The following SUPT20H variants were observed in gnomAD, a reference collection of about 807,000 sequenced individuals.
The protein encoded by SUPT20H is transcription factor SPT20 homolog.
In SUPT20H, 82 loss-of-function variants were observed where a neutral mutation model predicts 122.8. The observed-to-expected ratio is 0.67, with a 90% CI of 0.56 to 0.80. The LOEUF (loss-of-function observed/expected upper bound fraction) is 0.80. Ranked by LOEUF, SUPT20H falls within the 30% of genes least tolerant of loss-of-function variation. The pLI, the probability that SUPT20H is intolerant of heterozygous loss-of-function variation, is 0.00. For synonymous variants in SUPT20H, 291 were observed against 313.0 expected (o/e 0.93, Z 0.74); for missense variants, 831 against 921.6 (o/e 0.90, Z 1.27).
At chr13:37,058,839 A>G (rs1176983881) in intron 1 of SUPT20H, among the ~76,000 whole-genome samples, 3 of 152,230 alleles carry the variant, frequency 2.0e-5, no homozygotes, top group African/African-American at 7.2e-5. Context: ...AATTCTGCTC[A>G]GAGACGAATA....
rs772902338 is a variant in SUPT20H at position 37,017,256 on chromosome 13, G to A, written c.1981C>T (p.Pro661Ser). The A allele has an allele frequency of 1.9e-6, 3 of 1,614,062 alleles. No individual in the cohort carries two copies. Among genetic ancestry groups the A allele is most frequent in the Non-Finnish European group, 2.5e-6 (3 of 1,179,990 alleles). The change falls in exon 23 of 26, where the codon CCA (proline) becomes TCA (serine). Residue 661 changes from proline (P) to serine (S), a missense_variant. Transcript: ENST00000350612. ...TAGAAAATCCATACCTGCTCCCCTGGCTGTTGAGGACTACAAGTTGTGGGC... is the reference window on the plus strand; with the variant it reads ...TAGAAAATCCATACCTGCTCCCCTGACTGTTGAGGACTACAAGTTGTGGGC... ...QQPTTCSPQQ[P>S]GEQGSEQGST...
In SUPT20H at chr13:37,009,549, T is replaced by C; in HGVS notation, c.*123A>G. On this transcript the variant is annotated 3_prime_UTR_variant, in exon 26 of 26. Transcript: ENST00000350612. ...AAAATGATAAGGTTGTGCTTCTGTATAAAGTTTGTACATCTAGCAATGTAA... is the reference window on the plus strand; with the variant it reads ...AAAATGATAAGGTTGTGCTTCTGTACAAAGTTTGTACATCTAGCAATGTAA... The C allele has an allele frequency of 2.5e-6, 3 of 1,181,208 alleles. No individual in the cohort carries two copies. The highest frequency in any genetic ancestry group is 1.2e-6 in the Non-Finnish European group (1 of 801,604). The allele number at this position is 1,181,208 out of a possible 1,614,324, so 73.2% of individuals were successfully genotyped here. A position where few individuals can be genotyped will look rare whatever the true frequency, so the allele number is the denominator to read the frequency against.
chr13:37,009,503 C>T lies in SUPT20H; in HGVS notation c.*169G>A. On this transcript the variant is annotated 3_prime_UTR_variant, in exon 26 of 26. Coordinates refer to ENST00000350612, the MANE Select transcript of SUPT20H (RefSeq NM_001014286.3). ...GGCAAACCAACCCTAGTTTGTTAAACCATTTCCCTGTTTTTATTTAAAAAT... is the reference window on the plus strand; with the variant it reads ...GGCAAACCAACCCTAGTTTGTTAAATCATTTCCCTGTTTTTATTTAAAAAT... The T allele has an allele frequency of 1.1e-6, 1 of 938,202 alleles. No individual in the cohort carries two copies. The highest frequency in any genetic ancestry group is 1.6e-6 in the Non-Finnish European group (1 of 620,202). 58.1% of individuals were successfully genotyped at this position (938,202 alleles called of 1,614,324 possible). A position where few individuals can be genotyped will look rare whatever the true frequency, so the allele number is the denominator to read the frequency against.
chr13:37,051,721 T>C, intron 1 of SUPT20H, 138 bp from the exon 2 acceptor site: 1 of 415,484 alleles, frequency 2.4e-6, no homozygotes. Flanking sequence ...CACTTTTTAA[T>C]AATGAGTAAC....
intron 1 of SUPT20H, among the ~76,000 whole-genome samples, chr13:37,058,754 A>C (rs2069840484): frequency 6.6e-6 from 1 of 152,320 alleles, no homozygotes; most frequent in African/African-American, 2.4e-5. Flanking sequence ...CCAATATTAC[A>C]ACCTGCAAAC....
At chr13:37,057,928 C>T (rs552994891) in intron 1 of SUPT20H, among the ~76,000 whole-genome samples, 49 of 144,066 alleles carry the variant, frequency 3.4e-4, no homozygotes, top group African/African-American at 1.1e-3. Flanking sequence ...GAGCGAAGAT[C>T]GCGCCACTGC....
At chr13:37,046,806 T>G (rs1463264326) in intron 5 of SUPT20H, 1 of 152,210 alleles carries the variant, frequency 6.6e-6, no homozygotes, top group Non-Finnish European at 1.5e-5. Flanking sequence ...GTAGAACTTA[T>G]GAAAAACATA....
At chr13:37,009,869 C>G (rs909499611) in intron 25 of SUPT20H, 60 bp from the exon 26 acceptor site, 11 of 1,556,504 alleles carry the variant, frequency 7.1e-6, no homozygotes, top group Non-Finnish European at 8.6e-6. Flanking sequence ...TAGAAAGGTG[C>G]TTTTCCTGAG....
At chr13:37,059,002 A>C (rs2069947365) in intron 1 of SUPT20H, among the ~76,000 whole-genome samples, 3 of 152,214 alleles carry the variant, frequency 2.0e-5, no homozygotes, top group Admixed American at 2.0e-4. Flanking sequence ...CCCACTACGC[A>C]GTGGCTACGG....
Position 37,009,633 on chromosome 13 carries a change from CTT to C in SUPT20H, c.*37_*38del, listed in dbSNP as rs2059233164. On this transcript the variant is annotated 3_prime_UTR_variant, in exon 26 of 26. Transcript: ENST00000350612. The stretch of plus-strand genomic sequence containing the variant: ...AACTCAATTCTTTTGATTCAGTGCT[CTT>C]GTGTTTTTAAAAAAGGAACAAAAAG... 6.2e-7 allele frequency: 1 copy of C among 1,611,652 alleles called. No homozygotes were observed. Among genetic ancestry groups the C allele is most frequent in the Non-Finnish European group, 8.5e-7 (1 of 1,178,406 alleles).
intron 23 of SUPT20H, chr13:37,013,345 A>C (rs2139088785): frequency 6.6e-6 from 1 of 152,240 alleles, no homozygotes; most frequent in East Asian, 1.9e-4. Context: ...AATTCAATTC[A>C]GAAAGAATAG....
intron 3 of SUPT20H, 32 bp from the exon 4 acceptor site, chr13:37,047,968 C>G (rs781772666): frequency 1.9e-6 from 3 of 1,573,358 alleles, no homozygotes; most frequent in Admixed American, 1.8e-5. Context: ...GAACAGCTTG[C>G]TTTTTGCTTT....
rs1259053977 is a variant in SUPT20H, at chr13:37,055,929, C to T, written c.-94+3630G>A. The stretch of plus-strand genomic sequence containing the variant: ...CTCAAACAAACTTCCAAGGAAAAAA[C>T]AAACAACCCCATCAATCAGTGGGCG... On this transcript the variant is annotated intron_variant, in intron 1 of 25. Coordinates refer to ENST00000350612, the MANE Select transcript of SUPT20H (RefSeq NM_001014286.3). Among the ~76,000 whole-genome samples the T allele has an allele frequency of 2.6e-5, 4 of 152,170 alleles. No individual in the cohort carries two copies. The East Asian group carries it at 7.7e-4, about 29-fold the overall frequency.
rs189449908 is a variant in SUPT20H at position 37,045,405 on chromosome 13, T to C, written c.166-32A>G. 98 of 1,610,514 alleles carry C rather than the reference T, an allele frequency of 6.1e-5. No individual in the cohort carries two copies. The African/African-American group carries it at 1.2e-3, about 20-fold the overall frequency. The stretch of plus-strand genomic sequence containing the variant: ...TAAAAAGAGGCAGAGCTCATGAAAA[T>C]AATCCAGTATAACCTTAACAAATAA... On this transcript the variant is annotated intron_variant, in intron 5 of 25. Transcript: ENST00000350612.
chr13:37,048,503 A>G, intron 3 of SUPT20H, 61 bp downstream of exon 3: 1 of 1,469,962 alleles, frequency 6.8e-7, no homozygotes, highest in Non-Finnish European at 9.2e-7. Flanking sequence ...AATCTCTTAA[A>G]ACTGAGCTTT....
intron 2 of SUPT20H, 24 bp downstream of exon 2, chr13:37,051,464 T>C (rs1543738): frequency 0.89 from 1,431,061 of 1,602,648 alleles, 641,924 homozygotes; most frequent in East Asian, 1. Flanking sequence ...AACACAAATT[T>C]GAACATACTG....
chr13:37,052,995 T>C (rs1326682902), intron 1 of SUPT20H, among the ~76,000 whole-genome samples: 2 of 152,186 alleles, frequency 1.3e-5, no homozygotes, highest in African/African-American at 2.4e-5. Flanking sequence ...CCAGTTAGAA[T>C]GGCAGTCATT....
At chr13:37,027,717 G>A (rs937967656) in intron 14 of SUPT20H, among the ~76,000 whole-genome samples, 10 of 152,134 alleles carry the variant, frequency 6.6e-5, no homozygotes, top group African/African-American at 2.4e-4. Context: ...GTATTAATAT[G>A]TAGGGCCAAT....
chr13:37,052,775 A>G (rs924253786), intron 1 of SUPT20H, among the ~76,000 whole-genome samples: 1 of 152,204 alleles, frequency 6.6e-6, no homozygotes, highest in Admixed American at 6.5e-5. Context: ...ATTTTTTGCA[A>G]TCTATCCTTC....
Sources: allele counts gnomAD v4.1 joint callset (sites outside exome capture counted in the v4.1 genomes callset), GRCh38; gene constraint gnomAD v4.1.1; transcripts MANE v1.5; gene names NCBI Gene and HGNC (gene_info 2026-07-23, HGNC 2026-07-21).